GALNT9: variants seen among roughly 807,000 people sequenced by gnomAD.
The protein encoded by GALNT9 is GalNAc transferase 9.
A neutral mutation model predicts 63.1 loss-of-function variants in GALNT9; 47 were observed. The ratio of observed to expected loss-of-function variants is 0.75; its 90% CI spans 0.59 to 0.95. GALNT9 has a LOEUF of 0.95. GALNT9 is among the 40% of genes least tolerant of loss of function. The pLI is 0.00. For missense variants in GALNT9, 829 were observed against 874.8 expected, an observed-to-expected ratio of 0.95 and a Z score of 0.66; for synonymous variants, 396 against 365.7, an observed-to-expected ratio of 1.08 and a Z score of -0.94.
chr12:132,311,261 C>T (rs1881801844), intron 1 of GALNT9, among the ~76,000 whole-genome samples: 1 of 152,146 alleles, frequency 6.6e-6, no homozygotes, highest in Non-Finnish European at 1.5e-5. Context: ...GGGAAGAAAT[C>T]AGAGGTGCCA....
At chr12:132,313,295 A>G (rs1379779514) in intron 1 of GALNT9, among the ~76,000 whole-genome samples, 1 of 141,368 alleles carries the variant, frequency 7.1e-6, no homozygotes, top group Non-Finnish European at 1.5e-5. Context: ...CCACCTACCC[A>G]TCCACCCATC....
Position 132,329,221 on chromosome 12 carries a change from G to A in GALNT9, c.-18C>T, listed in dbSNP as rs782779482. 5.2e-6 allele frequency: 8 copies of A among 1,535,012 alleles called. No individual in the cohort carries two copies. Among genetic ancestry groups the A allele is most frequent in the South Asian group, 1.2e-5 (1 of 83,320 alleles). ...ACCGCCATGAACACGGCTGCAGCGG[G>A]GGCCTCACCCGCGGGGCATCCCCAG... On this transcript the variant is annotated 5_prime_UTR_variant, in exon 1 of 11. Coordinates refer to ENST00000328957, the MANE Select transcript of GALNT9 (RefSeq NM_001122636.2).
At chr12:132,300,338 A>G (rs1881247165) in intron 1 of GALNT9, among the ~76,000 whole-genome samples, 2 of 130,340 alleles carry the variant, frequency 1.5e-5, no homozygotes, top group Non-Finnish European at 3.2e-5. Flanking sequence ...TAACTAACCC[A>G]CTCCCACCAC....
At position 132,197,255 on chromosome 12, in the gene GALNT9, T is replaced by C. The variant is rs1440168610; in HGVS notation, c.1666-2A>G. 1.2e-6 allele frequency: 2 copies of C among 1,611,570 alleles called. No individual in the cohort carries two copies. The highest frequency in any genetic ancestry group is 8.5e-7 in the Non-Finnish European group (1 of 1,179,900). On this transcript the variant is annotated splice_acceptor_variant, in intron 10 of 10. Transcript: ENST00000328957. LOFTEE classifies it high-confidence loss of function. Reference sequence around the variant, plus strand: ...GGCCCGGCTCACAATGGGGCCACTCTGTGGGGACAGGCACATCAAGTCAGC... The same window carrying C: ...GGCCCGGCTCACAATGGGGCCACTCCGTGGGGACAGGCACATCAAGTCAGC...
At chr12:132,270,154 T>TA (rs1263881680) in intron 2 of GALNT9, among the ~76,000 whole-genome samples, 1 of 152,232 alleles carries the variant, frequency 6.6e-6, no homozygotes, top group Admixed American at 6.5e-5. Flanking sequence ...ACATCTTTTG[T>TA]AAAACAGTCC....
intron 2 of GALNT9, among the ~76,000 whole-genome samples, chr12:132,266,127 A>G (rs1879587181): frequency 6.8e-6 from 1 of 147,768 alleles, no homozygotes; most frequent in Non-Finnish European, 1.5e-5. Context: ...CGCACAGCCA[A>G]CCGCGGGCCT....
intron 4 of GALNT9, among the ~76,000 whole-genome samples, chr12:132,259,977 CGCGGGGCCTGCCTGGGTGCGGGG>C (rs1879306412): frequency 1.5e-5 from 2 of 129,872 alleles, no homozygotes; most frequent in Admixed American, 7.5e-5. Flanking sequence ...GCATTGTGGG[CGCGGGGCCTGCCTGGGTGCGGGG>C]AACACACCCT....
At chr12:132,322,423 G>A (rs189453772) in intron 1 of GALNT9, among the ~76,000 whole-genome samples, 31 of 152,358 alleles carry the variant, frequency 2.0e-4, no homozygotes, top group Middle Eastern at 3.4e-3. Context: ...AGGTGGTGCC[G>A]TTGCTCACTG....
intron 1 of GALNT9, among the ~76,000 whole-genome samples, chr12:132,321,101 A>G (rs926069557): frequency 1.3e-5 from 2 of 152,172 alleles, no homozygotes; most frequent in East Asian, 3.9e-4. Context: ...CTCAACATCC[A>G]CAACCCACCC....
chr12:132,289,597 G>A (rs782282503), intron 1 of GALNT9, among the ~76,000 whole-genome samples: 16 of 152,200 alleles, frequency 1.1e-4, no homozygotes, highest in Non-Finnish European at 1.8e-4. Context: ...GTGGTCACCC[G>A]TCACTTGCAT....
At chr12:132,290,322 G>C (rs937508369) in intron 1 of GALNT9, among the ~76,000 whole-genome samples, 4 of 152,130 alleles carry the variant, frequency 2.6e-5, no homozygotes, top group Non-Finnish European at 5.9e-5. Context: ...AGAGCGGACC[G>C]GCCAAGCCAC....
intron 2 of GALNT9, among the ~76,000 whole-genome samples, chr12:132,263,241 G>A (rs144371082): frequency 3.3e-5 from 5 of 152,342 alleles, no homozygotes; most frequent in East Asian, 3.9e-4. Flanking sequence ...AGGGCTGTGC[G>A]CCACCATCAT....
chr12:132,198,077 A>G (rs1263430747), intron 9 of GALNT9, 118 bp from the exon 10 acceptor site: 3 of 813,858 alleles, frequency 3.7e-6, no homozygotes, highest in Admixed American at 2.6e-5. Context: ...GCTGCCTTGG[A>G]GCCTCCCACC....
rs1593123418 is a variant in GALNT9, at chr12:132,316,417, G to T, written c.238+12549C>A. Among the ~76,000 whole-genome samples the T allele has an allele frequency of 2.6e-5, 4 of 152,064 alleles. No individual in the cohort carries two copies. Among genetic ancestry groups the T allele is most frequent in the African/African-American group, 9.7e-5 (4 of 41,374 alleles). Reference sequence around the variant, plus strand: ...CTTTAAAAATCTATTTAGTGCTATAGCTTCACTAAAAAAGGAAAAAGAAAG... The same window carrying T: ...CTTTAAAAATCTATTTAGTGCTATATCTTCACTAAAAAAGGAAAAAGAAAG... On this transcript the variant is annotated intron_variant, in intron 1 of 10. Coordinates refer to ENST00000328957, the MANE Select transcript of GALNT9 (RefSeq NM_001122636.2). The surrounding 1 kb of genome is among the most constrained non-coding windows in gnomAD (Gnocchi z 4.3).
At chr12:132,243,394 T>G (rs1878541013) in intron 6 of GALNT9, among the ~76,000 whole-genome samples, 1 of 151,998 alleles carries the variant, frequency 6.6e-6, no homozygotes, top group Non-Finnish European at 1.5e-5. Flanking sequence ...CCTCCGGAGC[T>G]CTCTCTGGTG....
chr12:132,257,541 GCCCTCGTC>G lies in GALNT9; in HGVS notation c.959+140_959+147del. ...CCTCGTCCCCGGCCCTCATCCCCACGCCCTCGTCCCCACGCCCTCGTCCCCACGCCCTC... is the reference window on the plus strand; with the variant it reads ...CCTCGTCCCCGGCCCTCATCCCCACGCCCACGCCCTCGTCCCCACGCCCTC... On this transcript the variant is annotated intron_variant, in intron 5 of 10. Coordinates refer to ENST00000328957, the MANE Select transcript of GALNT9 (RefSeq NM_001122636.2). 4 of 191,442 alleles carry G rather than the reference GCCCTCGTC, an allele frequency of 2.1e-5. 1 individual carries two copies. In the East Asian group the frequency reaches 4.0e-4, roughly 19 times the overall value. 11.9% of individuals were successfully genotyped at this position (191,442 alleles called of 1,614,324 possible).
Position 132,251,409 on chromosome 12 carries a change from G to T in GALNT9, c.960-3382C>A, listed in dbSNP as rs151176720. Among the ~76,000 whole-genome samples the T allele has an allele frequency of 9.1e-3, 1,388 of 152,336 alleles. 19 individuals are homozygous for T. Among genetic ancestry groups the T allele is most frequent in the African/African-American group, 0.032 (1,312 of 41,580 alleles). On this transcript the variant is annotated intron_variant, in intron 5 of 10. Transcript: ENST00000328957. ...AACAGGCCGGTGCTCTGCGTCTTGG[G>T]GGGCTCCCGGCATCCGCTTTCCGGG...
At chr12:132,318,570 C>T (rs28675815) in intron 1 of GALNT9, among the ~76,000 whole-genome samples, 53,121 of 152,154 alleles carry the variant, frequency 0.35, 9,425 homozygotes, top group African/African-American at 0.42. Flanking sequence ...CAGCTGCAGC[C>T]GTAGGATCAC....
intron 1 of GALNT9, among the ~76,000 whole-genome samples, chr12:132,287,755 G>A (rs1039238739): frequency 1.3e-5 from 2 of 152,074 alleles, no homozygotes; most frequent in Non-Finnish European, 2.9e-5. Context: ...TGCCCAAGGG[G>A]GCCGGGCCAG....
Sources: allele counts gnomAD v4.1 joint callset (sites outside exome capture counted in the v4.1 genomes callset), GRCh38; gene constraint gnomAD v4.1.1; non-coding constraint Gnocchi (gnomAD v3.1); transcripts MANE v1.5; gene names NCBI Gene and HGNC (gene_info 2026-07-23, HGNC 2026-07-21).